The following MFF variants were observed in gnomAD, a reference collection of about 807,000 sequenced individuals.
MFF encodes the protein mitochondrial fission factor, also known as chromosome 2 open reading frame 33.
MFF carries 12 observed loss-of-function variants against 36.9 expected under a neutral mutation model. The ratio of observed to expected loss-of-function variants is 0.33; its 90% CI spans 0.21 to 0.53. The LOEUF is 0.53. Among genes scored for constraint, MFF ranks in the 20% least tolerant of loss-of-function variants. MFF has a pLI of 0.95. For missense variants in MFF, 348 were observed against 366.6 expected, an observed-to-expected ratio of 0.95 and a Z score of 0.42; for synonymous variants, 99 against 126.2, an observed-to-expected ratio of 0.78 and a Z score of 1.44.
At position 227,357,178 on chromosome 2, in the gene MFF, C is replaced by A. The variant is rs2076302920; in HGVS notation, c.*61C>A. The A allele has an allele frequency of 2.6e-6, 4 of 1,562,606 alleles. No homozygotes were observed. The African/African-American group carries it at 4.1e-5, about 16-fold the overall frequency. ...GCTGGAAATATAAAAGATTTGCAAA[C>A]TTCTTTGTTTCTGTCTCTGCATTGT... On this transcript the variant is annotated 3_prime_UTR_variant, in exon 9 of 9. Transcript: ENST00000304593.
chr2:227,354,193 T>C (rs1393812589), intron 7 of MFF, among the ~76,000 whole-genome samples: 1 of 152,230 alleles, frequency 6.6e-6, no homozygotes, highest in African/African-American at 2.4e-5. Context: ...CCATCTATTG[T>C]TTAAGGTTTT....
intron 4 of MFF, among the ~76,000 whole-genome samples, chr2:227,338,106 A>G (rs1574930802): frequency 6.6e-6 from 1 of 150,804 alleles, no homozygotes; most frequent in South Asian, 2.2e-4. Context: ...GGTGGCTCAC[A>G]CCTGTAATCC....
intron 7 of MFF, among the ~76,000 whole-genome samples, chr2:227,353,118 C>G (rs1231182633): frequency 6.6e-6 from 1 of 152,130 alleles, no homozygotes; most frequent in Non-Finnish European, 1.5e-5. Context: ...TTAAGGCCTT[C>G]TCTCTTATTT....
Position 227,340,350 on chromosome 2 carries a change from A to C in MFF, c.410A>C (p.Gln137Pro). The C allele has an allele frequency of 6.2e-7, 1 of 1,613,710 alleles. No homozygotes were observed. Among genetic ancestry groups the C allele is most frequent in the Non-Finnish European group, 8.5e-7 (1 of 1,179,688 alleles). Residue 137 changes from glutamine (Q) to proline (P), a missense_variant, in exon 5 of 9, where the codon CAA becomes CCA. Gln to Pro is a moderately conservative substitution (Grantham distance 76, BLOSUM62 -1). Transcript: ENST00000304593. ...TCTATGAGTGAAAATGCTGTTCGCC[A>C]AAATGGACAGCTGGTCAGAAATGAT... ...ERSMSENAVR[Q>P]NGQLVRNDSL...
At chr2:227,344,337 G>A (rs1261335850) in intron 5 of MFF, among the ~76,000 whole-genome samples, 5 of 152,030 alleles carry the variant, frequency 3.3e-5, no homozygotes, top group Non-Finnish European at 7.4e-5. Context: ...TTTGCAGTAT[G>A]TTTACTTTTT....
At position 227,347,248 on chromosome 2, in the gene MFF, G is replaced by A; in HGVS notation, c.463G>A (p.Ala155Thr). ...DSLVTPSPQQ[A>T]RVCPPHMLPE... ...CAGTGTGACACCATCGCCACAACAGGCTCGGGTCTGTCCTCCCCATATGTT... is the reference window on the plus strand; with the variant it reads ...CAGTGTGACACCATCGCCACAACAGACTCGGGTCTGTCCTCCCCATATGTT... Residue 155 changes from alanine to threonine, a missense_variant, in exon 6 of 9, where the codon GCT becomes ACT. By Grantham distance (58) the Ala-to-Thr change is moderately conservative. Coordinates refer to ENST00000304593, the MANE Select transcript of MFF (RefSeq NM_001277062.2). The A allele has an allele frequency of 6.2e-7, 1 of 1,613,670 alleles. No homozygotes were observed. Among genetic ancestry groups the A allele is most frequent in the Non-Finnish European group, 8.5e-7 (1 of 1,179,716 alleles).
In MFF at chr2:227,344,063, T is replaced by C. The variant is rs546148202; in HGVS notation, c.441-3163T>C. Among the ~76,000 whole-genome samples the C allele has an allele frequency of 5.3e-5, 8 of 152,296 alleles. No homozygotes were observed. The East Asian group carries it at 1.5e-3, about 29-fold the overall frequency. On this transcript the variant is annotated intron_variant, in intron 5 of 8. Transcript: ENST00000304593. The stretch of plus-strand genomic sequence containing the variant: ...TTGGCCTCCCAAAGTGCTGGGATTA[T>C]AGGCATGAGCCACTGTGCCCAGCCC...
rs1559942141 is a variant in MFF at position 227,328,694 on chromosome 2, C to T, written c.-136C>T. The T allele has an allele frequency of 1.3e-5, 2 of 156,640 alleles. No homozygotes were observed. Among genetic ancestry groups the T allele is most frequent in the African/African-American group, 4.8e-5 (2 of 41,720 alleles). 9.7% of individuals were successfully genotyped at this position (156,640 alleles called of 1,614,324 possible). On this transcript the variant is annotated 5_prime_UTR_variant, in exon 2 of 9. Coordinates refer to ENST00000304593, the MANE Select transcript of MFF (RefSeq NM_001277062.2). ...CTTCCCCAGGGACAAAAGTGGCTCT[C>T]AATCCAGCACATGCACATTGAAGCA...
intron 1 of MFF, among the ~76,000 whole-genome samples, chr2:227,326,097 C>T (rs1465584549): frequency 1.3e-5 from 2 of 151,946 alleles, no homozygotes; most frequent in South Asian, 2.1e-4. Flanking sequence ...CTCTGCAGGA[C>T]GTGTGCTACT....
At chr2:227,332,199 C>T (rs2074647253) in intron 3 of MFF, among the ~76,000 whole-genome samples, 1 of 151,596 alleles carries the variant, frequency 6.6e-6, no homozygotes. Context: ...GTCTCGATCT[C>T]TTGACCTCGT....
chr2:227,330,943 A>G (rs2074528536), intron 3 of MFF, 97 bp downstream of exon 3: 7 of 1,004,946 alleles, frequency 7.0e-6, no homozygotes, highest in Admixed American at 2.7e-5. Flanking sequence ...TTAGAAAAGG[A>G]GTTGGAAAAT....
intron 6 of MFF, among the ~76,000 whole-genome samples, chr2:227,351,299 C>G (rs2075983111): frequency 6.6e-6 from 1 of 152,152 alleles, no homozygotes. Context: ...AATCCCTTAT[C>G]ATCTAGGCTC....
At chr2:227,334,870 T>C (rs547618472) in intron 4 of MFF, among the ~76,000 whole-genome samples, 1 of 152,032 alleles carries the variant, frequency 6.6e-6, no homozygotes, top group East Asian at 1.9e-4. Flanking sequence ...TATTCAGCCA[T>C]AAAAAAATGA....
intron 5 of MFF, chr2:227,342,824 GA>G: frequency 6.2e-7 from 1 of 1,611,400 alleles, no homozygotes; most frequent in Non-Finnish European, 8.5e-7. Flanking sequence ...GTACACGTAA[GA>G]TTTTATCTGC....
intron 3 of MFF, among the ~76,000 whole-genome samples, chr2:227,331,959 A>ATATTTTTTTTTTTTTTTT (rs572787657): frequency 2.6e-5 from 2 of 76,842 alleles, no homozygotes; most frequent in African/African-American, 9.1e-5. Flanking sequence ...CGCTGGAAGC[A>ATATTTTTTTTTTTTTTTT]TTTTTTTTTT....
intron 4 of MFF, among the ~76,000 whole-genome samples, chr2:227,338,995 G>T (rs1225336940): frequency 3.7e-4 from 56 of 151,912 alleles, no homozygotes; most frequent in Non-Finnish European, 2.9e-5. Context: ...TTGAGCTCAG[G>T]AGTTCGAGAC....
chr2:227,356,050 A>G (rs1252810553), intron 8 of MFF, among the ~76,000 whole-genome samples: 1 of 152,226 alleles, frequency 6.6e-6, no homozygotes. Context: ...AATGTGGAAC[A>G]ATTACTTTGG....
intron 8 of MFF, among the ~76,000 whole-genome samples, chr2:227,356,029 T>C (rs768451393): frequency 9.2e-5 from 14 of 152,226 alleles, no homozygotes; most frequent in Non-Finnish European, 1.8e-4. Context: ...AGTTGCTTGT[T>C]TGGCTTTTGA....
At chr2:227,329,608 G>T in intron 2 of MFF, 1 of 647,178 alleles carries the variant, frequency 1.5e-6, no homozygotes, top group Admixed American at 3.1e-5. Context: ...TTTTACAGCT[G>T]GAAAAGCAGT....
Sources: gnomAD v4.1 joint callset for allele counts (sites outside exome capture counted in the v4.1 genomes callset) on GRCh38, gnomAD v4.1.1 for gene constraint, MANE v1.5 for transcripts, NCBI Gene and HGNC (gene_info 2026-07-23, HGNC 2026-07-21) for gene names.